Variants in MARK1 observed in about 807,000 individuals in gnomAD.
MARK1 encodes serine/threonine-protein kinase MARK1.
In MARK1, 40 loss-of-function variants were observed where a neutral mutation model predicts 96.3. The observed-to-expected ratio is 0.42, with a 90% CI of 0.32 to 0.54. MARK1 has a LOEUF of 0.54. MARK1 is among the 20% of genes least tolerant of loss of function. MARK1 has a pLI of 0.16. For missense variants in MARK1, 719 were observed against 984.6 expected (o/e 0.73, Z 3.61); for synonymous variants, 317 against 341.2 (o/e 0.93, Z 0.78).
intron 1 of MARK1, among the ~76,000 whole-genome samples, chr1:220,559,749 C>A (rs1020768201): frequency 2.0e-5 from 3 of 152,178 alleles, no homozygotes; most frequent in African/African-American, 7.2e-5. Flanking sequence ...AGTTTTGATA[C>A]AGATTGATGA....
chr1:220,650,640 T>C lies in MARK1; in HGVS notation c.1491T>C (p.Gly497=). Residue 497 remains glycine (G), a synonymous_variant, in exon 14 of 18, where the codon GGT becomes GGC. Transcript: ENST00000366917. ...TGAAGAACAATGTGTATTCTGGAGG[T>C]AGCATGGCAAGAAGGAATACATATG... The part of the protein sequence containing the change: ...TIPSNNVYSG[G]SMARRNTYVC... 1 of 1,609,194 alleles carries C rather than the reference T, an allele frequency of 6.2e-7. No homozygotes were observed. Among genetic ancestry groups the C allele is most frequent in the Non-Finnish European group, 8.5e-7 (1 of 1,175,850 alleles).
rs930179795 is a variant in MARK1 at position 220,663,363 on chromosome 1, C to T, written c.*1197C>T. On this transcript the variant is annotated 3_prime_UTR_variant, in exon 18 of 18. Transcript: ENST00000366917. The stretch of plus-strand genomic sequence containing the variant: ...CCACATCATTATGCCTATAATGTGC[C>T]GCTTTGTGATTGGGCATTTGCCTAC... The T allele has an allele frequency of 6.6e-5, 10 of 152,436 alleles. No homozygotes were observed. Among genetic ancestry groups the T allele is most frequent in the Admixed American group, 1.3e-4 (2 of 15,254 alleles). 9.4% of individuals were successfully genotyped at this position (152,436 alleles called of 1,614,324 possible).
intron 1 of MARK1, among the ~76,000 whole-genome samples, chr1:220,548,154 T>A (rs1341649236): frequency 6.6e-6 from 1 of 152,232 alleles, no homozygotes; most frequent in Non-Finnish European, 1.5e-5. Flanking sequence ...ACTTTAAGAA[T>A]ATGAGGTGAT....
intron 9 of MARK1, chr1:220,626,649 C>A (rs1667355703): frequency 2.9e-6 from 1 of 349,530 alleles, no homozygotes; most frequent in Admixed American, 3.7e-5. Flanking sequence ...TGGTGAAACC[C>A]CGCATCTACT....
chr1:220,558,331 T>C (rs897682162), intron 1 of MARK1, among the ~76,000 whole-genome samples: 1 of 151,048 alleles, frequency 6.6e-6, no homozygotes, highest in Non-Finnish European at 1.5e-5. Flanking sequence ...CAGCTTGCAG[T>C]AGGGAGGAAG....
intron 1 of MARK1, among the ~76,000 whole-genome samples, chr1:220,572,334 C>T (rs535640635): frequency 7.9e-5 from 12 of 152,136 alleles, no homozygotes; most frequent in Non-Finnish European, 1.5e-4. Context: ...CTCTGCTTCC[C>T]GGGTTCAAGC....
In MARK1 at chr1:220,528,572, C is replaced by G; in HGVS notation, c.-251C>G. 4.3e-6 allele frequency: 2 copies of G among 469,418 alleles called. 1 individual carries two copies. 29.1% of individuals were successfully genotyped at this position (469,418 alleles called of 1,614,324 possible). A position where few individuals can be genotyped will look rare whatever the true frequency, so the allele number is the denominator to read the frequency against. On this transcript the variant is annotated 5_prime_UTR_variant, in exon 1 of 18. Coordinates refer to ENST00000366917, the MANE Select transcript of MARK1 (RefSeq NM_018650.5). ...CCGCCAGCGCCGGGCAACCGCCTCG[C>G]CCGAAGCCCTCCCTCGTTACTGTCC...
intron 17 of MARK1, among the ~76,000 whole-genome samples, chr1:220,658,588 C>G (rs760311320): frequency 6.6e-6 from 1 of 152,030 alleles, no homozygotes; most frequent in Non-Finnish European, 1.5e-5. Flanking sequence ...TTGAGTGTAC[C>G]CAAGCATTAA....
At chr1:220,651,525 C>T (rs1356859410) in intron 14 of MARK1, among the ~76,000 whole-genome samples, 1 of 152,244 alleles carries the variant, frequency 6.6e-6, no homozygotes, top group African/African-American at 2.4e-5. Flanking sequence ...AACCTATTGA[C>T]TCATAATATG....
Position 220,661,942 on chromosome 1 carries a change from C to A in MARK1, c.2164C>A (p.Arg722=). 1.9e-6 allele frequency: 3 copies of A among 1,614,020 alleles called. No homozygotes were observed. The highest frequency in any genetic ancestry group is 2.5e-6 in the Non-Finnish European group (3 of 1,180,008). Residue 722 remains arginine, a synonymous_variant, in exon 18 of 18, where the codon CGA becomes AGA. Coordinates refer to ENST00000366917, the MANE Select transcript of MARK1 (RefSeq NM_018650.5). ...CCCTAATGACATGATGAGAGAAATC[C>A]GAAAAGTGTTAGATGCAAATAACTG... ...MDPNDMMREI[R]KVLDANNCDY... is the part of the protein sequence containing the mutation.
Position 220,576,114 on chromosome 1 carries a change from T to C in MARK1, c.52-3240T>C, listed in dbSNP as rs145292214. Among the ~76,000 whole-genome samples the C allele has an allele frequency of 2.1e-3, 246 of 116,362 alleles. 1 individual carries two copies. Among genetic ancestry groups the C allele is most frequent in the African/African-American group, 7.4e-3 (232 of 31,246 alleles). 76.3% of individuals were successfully genotyped at this position (116,362 alleles called of 152,430 possible). A position where few individuals can be genotyped will look rare whatever the true frequency, so the allele number is the denominator to read the frequency against. ...TTTCCCTTTTCTCTTGTGTTTACTT[T>C]TTAATTTTAAAATAACGATAGCATT... is the stretch of plus-strand genomic sequence containing the variant. On this transcript the variant is annotated intron_variant, in intron 1 of 17. Transcript: ENST00000366917.
intron 16 of MARK1, 30 bp from the exon 17 acceptor site, chr1:220,657,760 A>T (rs534704002): frequency 3.3e-6 from 5 of 1,520,642 alleles, no homozygotes; most frequent in Non-Finnish European, 4.4e-6. Context: ...TACTTTTATC[A>T]TTAAATCTCA....
intron 9 of MARK1, among the ~76,000 whole-genome samples, chr1:220,620,082 G>A (rs768755849): frequency 6.6e-6 from 1 of 152,108 alleles, no homozygotes; most frequent in African/African-American, 2.4e-5. Flanking sequence ...AAGGGATGGC[G>A]ACTTCCATTG....
At chr1:220,643,692 C>T (rs552687671) in intron 13 of MARK1, among the ~76,000 whole-genome samples, 1 of 152,252 alleles carries the variant, frequency 6.6e-6, no homozygotes, top group East Asian at 1.9e-4. Context: ...AGGTCACTTA[C>T]AAAGGGAAGT....
At chr1:220,647,612 T>A (rs561805142) in intron 13 of MARK1, among the ~76,000 whole-genome samples, 1 of 152,322 alleles carries the variant, frequency 6.6e-6, no homozygotes, top group East Asian at 1.9e-4. Flanking sequence ...ATTGCAGCAC[T>A]ATTAACAATA....
intron 13 of MARK1, among the ~76,000 whole-genome samples, chr1:220,649,341 T>A (rs1039483925): frequency 1.3e-5 from 2 of 151,850 alleles, no homozygotes; most frequent in East Asian, 3.9e-4. Context: ...ATCCTCCCAC[T>A]TAAGCCTCTC....
At chr1:220,616,072 T>G (rs1666732128) in intron 7 of MARK1, 77 bp downstream of exon 7, 10 of 701,278 alleles carry the variant, frequency 1.4e-5, no homozygotes, top group Non-Finnish European at 2.3e-5. Flanking sequence ...ATTAGAGCTG[T>G]CTATTTTATT....
At chr1:220,552,245 C>T (rs1341606013) in intron 1 of MARK1, among the ~76,000 whole-genome samples, 1 of 152,094 alleles carries the variant, frequency 6.6e-6, no homozygotes, top group Non-Finnish European at 1.5e-5. Context: ...GACTTCTAGA[C>T]CAGCAGAACC....
chr1:220,530,595 A>G (rs1019080137), intron 1 of MARK1, among the ~76,000 whole-genome samples: 1 of 152,236 alleles, frequency 6.6e-6, no homozygotes, highest in Non-Finnish European at 1.5e-5. Flanking sequence ...TGAATAAGGT[A>G]CTTCATAAAG....
Sources: gnomAD v4.1 joint callset for allele counts (sites outside exome capture counted in the v4.1 genomes callset) on GRCh38, gnomAD v4.1.1 for gene constraint, MANE v1.5 for transcripts, NCBI Gene and HGNC (gene_info 2026-07-23, HGNC 2026-07-21) for gene names.